Variants in SS18 observed in about 807,000 individuals in gnomAD.
SS18 encodes SS18 subunit of BAF chromatin remodeling complex, also known as protein SSXT.
SS18 carries 28 observed loss-of-function variants against 72.5 expected under a neutral mutation model. The ratio of observed to expected loss-of-function variants is 0.39; its 90% CI spans 0.29 to 0.53. SS18 has a LOEUF of 0.53. SS18 is among the 20% of genes least tolerant of loss of function. SS18 has a pLI of 0.76. For synonymous variants in SS18, 172 were observed against 164.2 expected, an observed-to-expected ratio of 1.05 and a Z score of -0.37; for missense variants, 518 against 535.3, an observed-to-expected ratio of 0.97 and a Z score of 0.32.
rs1387410199 is a variant in SS18, at chr18:26,018,347, T to C, written c.*7A>G. ...TAGATACTGGCTACTGGAATGTAAG[T>C]ACTTTTTCACTGCTGGTAATTTCCA... On this transcript the variant is annotated 3_prime_UTR_variant, in exon 11 of 11. Transcript: ENST00000415083. 1 of 1,600,346 alleles carries C rather than the reference T, an allele frequency of 6.2e-7. No individual in the cohort carries two copies. The highest frequency in any genetic ancestry group is 8.6e-7 in the Non-Finnish European group (1 of 1,168,018).
Position 26,042,459 on chromosome 18 carries a change from T to C in SS18, c.608-3003A>G, listed in dbSNP as rs8088432. On this transcript the variant is annotated intron_variant, in intron 5 of 10. Transcript: ENST00000415083. ...TGCAAGGGCATATAACAAACACTTA[T>C]CATTAGCACATTATTTCTTCCCATT... 2.0e-3 allele frequency among the ~76,000 whole-genome samples: 300 copies of C among 152,218 alleles called. 2 individuals are homozygous for C. The highest frequency in any genetic ancestry group is 6.9e-3 in the African/African-American group (285 of 41,530).
intron 3 of SS18, among the ~76,000 whole-genome samples, chr18:26,062,073 C>T (rs1161446066): frequency 6.6e-6 from 1 of 152,016 alleles, no homozygotes; most frequent in Non-Finnish European, 1.5e-5. Context: ...CTAGCCTGGC[C>T]AACATGATGA....
rs1225716020 is a variant in SS18, at chr18:26,035,784, T to C, written c.973+47A>G. On this transcript the variant is annotated intron_variant, in intron 8 of 10. Transcript: ENST00000415083. The surrounding 1 kb of genome is among the most constrained non-coding windows in gnomAD (Gnocchi z 4.4). ...TGTCTTATGCAAGAATTTTCATTCC[T>C]GTAGAAGGGGATATATATGTGTATG... 1 of 1,329,926 alleles carries C rather than the reference T, an allele frequency of 7.5e-7. No homozygotes were observed. Among genetic ancestry groups the C allele is most frequent in the Non-Finnish European group, 1.0e-6 (1 of 958,710 alleles). The allele number at this position is 1,329,926 out of a possible 1,614,324, so 82.4% of individuals were successfully genotyped here.
chr18:26,035,040 C>A lies in SS18; in HGVS notation c.1061G>T (p.Gly354Val), dbSNP rs147146752. The change falls in exon 9 of 11, where the codon GGG becomes GTG. Residue 354 changes from glycine to valine, a missense_variant. By Grantham distance (109) the Gly-to-Val change is moderately radical. Transcript: ENST00000415083. This position sits in a 1 kb window ranked among gnomAD's most constrained non-coding sequence, Gnocchi z 4.4. ...CTGCTGTCCTGGGTAACCTTGCTGC[C>A]CTGGGTACTGCTGCTGCTGGGGTGG... ...GYPPQQQQYP[G>V]QQGYPGQQQG... 2.6e-3 allele frequency: 4,175 copies of A among 1,613,368 alleles called. 10 individuals carry two copies. The highest frequency in any genetic ancestry group is 3.1e-3 in the Non-Finnish European group (3,700 of 1,179,610).
intron 2 of SS18, chr18:26,080,407 G>A (rs1568031504): frequency 1.0e-6 from 1 of 985,068 alleles, no homozygotes; most frequent in Non-Finnish European, 1.2e-6. Flanking sequence ...ACTAACAGAT[G>A]TGGTTTATTC....
intron 9 of SS18, among the ~76,000 whole-genome samples, chr18:26,034,496 G>A (rs1393943829): frequency 6.6e-6 from 1 of 151,584 alleles, no homozygotes; most frequent in African/African-American, 2.4e-5. Context: ...ATACACAGCT[G>A]CAATAATTCA....
Position 26,087,487 on chromosome 18 carries a change from C to T in SS18, c.146+14G>A. On this transcript the variant is annotated intron_variant, in intron 2 of 10. Coordinates refer to ENST00000415083, the MANE Select transcript of SS18 (RefSeq NM_001007559.3). ...AAAAAACTGAATAAAAAAAAAGTTTCTTATCAATCTTACTGAGAACACTCT... is the reference window on the plus strand; with the variant it reads ...AAAAAACTGAATAAAAAAAAAGTTTTTTATCAATCTTACTGAGAACACTCT... The T allele has an allele frequency of 6.7e-7, 1 of 1,499,144 alleles. No homozygotes were observed. The highest frequency in any genetic ancestry group is 2.3e-5 in the East Asian group (1 of 43,824). 92.9% of individuals were successfully genotyped at this position (1,499,144 alleles called of 1,614,324 possible).
chr18:26,034,992 T>C lies in SS18; in HGVS notation c.1096+13A>G, dbSNP rs772727253. 8.7e-6 allele frequency: 14 copies of C among 1,612,378 alleles called. No homozygotes were observed. Among genetic ancestry groups the C allele is most frequent in the Admixed American group, 6.7e-5 (4 of 59,842 alleles). Reference sequence around the variant, plus strand: ...TTTTTTTGGTGATAAAAATACACTGTACAAAGCTTTACCGTAGCCCTGCTG... The same window carrying C: ...TTTTTTTGGTGATAAAAATACACTGCACAAAGCTTTACCGTAGCCCTGCTG... On this transcript the variant is annotated intron_variant, in intron 9 of 10. Coordinates refer to ENST00000415083, the MANE Select transcript of SS18 (RefSeq NM_001007559.3).
At chr18:26,059,844 G>T (rs2054088598) in intron 3 of SS18, among the ~76,000 whole-genome samples, 2 of 152,072 alleles carry the variant, frequency 1.3e-5, no homozygotes, top group Non-Finnish European at 2.9e-5. Flanking sequence ...AAAAATAAAT[G>T]ACCAACACCC....
Position 26,078,242 on chromosome 18 carries a change from C to G in SS18, c.147-82G>C, listed in dbSNP as rs187891270. The G allele has an allele frequency of 2.2e-3, 2,168 of 969,418 alleles. 6 individuals carry two copies. The highest frequency in any genetic ancestry group is 6.1e-3 in the Middle Eastern group (23 of 3,784). 60.1% of individuals were successfully genotyped at this position (969,418 alleles called of 1,614,324 possible). On this transcript the variant is annotated intron_variant, in intron 2 of 10. Transcript: ENST00000415083. ...AGTACAAACAGCACTATAATCATTT[C>G]TAAAGTTTCATTAAAAATTTGTTAC...
At chr18:26,086,228 G>C (rs1474787096) in intron 2 of SS18, among the ~76,000 whole-genome samples, 1 of 152,126 alleles carries the variant, frequency 6.6e-6, no homozygotes, top group Non-Finnish European at 1.5e-5. Flanking sequence ...TCAGGGACAC[G>C]GGCATCTGGG....
At chr18:26,023,867 C>A (rs1331408865) in intron 10 of SS18, among the ~76,000 whole-genome samples, 2 of 151,874 alleles carry the variant, frequency 1.3e-5, no homozygotes. Context: ...ATTTAAGTAT[C>A]TTTAACTGAT....
chr18:26,063,913 T>A (rs975390068), intron 3 of SS18, among the ~76,000 whole-genome samples: 6 of 152,002 alleles, frequency 3.9e-5, no homozygotes, highest in Non-Finnish European at 7.4e-5. Flanking sequence ...AGACAGAAAT[T>A]CCAATTTTAG....
intron 5 of SS18, among the ~76,000 whole-genome samples, chr18:26,045,217 A>T (rs1047250902): frequency 1.3e-5 from 2 of 152,172 alleles, no homozygotes; most frequent in African/African-American, 2.4e-5. Flanking sequence ...TGAAAACCAT[A>T]TATTCAGATC....
chr18:26,032,347 A>G, intron 10 of SS18, 52 bp downstream of exon 10: 1 of 1,597,208 alleles, frequency 6.3e-7, no homozygotes, highest in Non-Finnish European at 8.5e-7. Flanking sequence ...AGTTCACCTA[A>G]TCGAGAGTGA....
chr18:26,039,546 C>T, intron 5 of SS18, 90 bp from the exon 6 acceptor site: 1 of 1,175,862 alleles, frequency 8.5e-7, no homozygotes, highest in Non-Finnish European at 1.1e-6. Flanking sequence ...TCATATAGTC[C>T]CAAAAATATA....
In SS18 at chr18:26,017,907, A is replaced by AT. The variant is rs2053276637; in HGVS notation, c.*446dup. On this transcript the variant is annotated 3_prime_UTR_variant, in exon 11 of 11. Transcript: ENST00000415083. Reference sequence around the variant, plus strand: ...TCCAGTGCGTAGTGTACCGCCTTGCATATTCACCACATGAAATAAACATAA... The same window carrying AT: ...TCCAGTGCGTAGTGTACCGCCTTGCATTATTCACCACATGAAATAAACATAA... 4.2e-6 allele frequency: 1 copy of AT among 237,204 alleles called. No homozygotes were observed. The highest frequency in any genetic ancestry group is 8.3e-6 in the Non-Finnish European group (1 of 120,678). 14.7% of individuals were successfully genotyped at this position (237,204 alleles called of 1,614,324 possible).
intron 3 of SS18, among the ~76,000 whole-genome samples, chr18:26,075,416 C>G (rs1373295673): frequency 6.6e-6 from 1 of 151,890 alleles, no homozygotes; most frequent in Non-Finnish European, 1.5e-5. Flanking sequence ...GAATGCAAGA[C>G]TGACTGAGCA....
At chr18:26,066,918 G>A (rs2054230508) in intron 3 of SS18, among the ~76,000 whole-genome samples, 1 of 152,044 alleles carries the variant, frequency 6.6e-6, no homozygotes, top group South Asian at 2.1e-4. Flanking sequence ...TGTTTCAAAT[G>A]TACTCTGAAT....
Sources: allele counts gnomAD v4.1 joint callset (sites outside exome capture counted in the v4.1 genomes callset), GRCh38; gene constraint gnomAD v4.1.1; non-coding constraint Gnocchi (gnomAD v3.1); transcripts MANE v1.5; gene names NCBI Gene and HGNC (gene_info 2026-07-23, HGNC 2026-07-21).